The following AGBL1 variants were observed in gnomAD, a reference collection of about 807,000 sequenced individuals.
AGBL1 encodes AGBL carboxypeptidase 1, also known as cytosolic carboxypeptidase 4.
Under a neutral mutation model 118.9 loss-of-function variants are expected in AGBL1, and 130 were observed. The ratio of observed to expected loss-of-function variants is 1.09; its 90% confidence interval spans 0.95 to 1.26. AGBL1 has a LOEUF of 1.26. AGBL1 is among the 50% of genes most tolerant of loss of function. The pLI, the probability that AGBL1 is intolerant of heterozygous loss-of-function variation, is 0.00. For missense variants in AGBL1, 1,584 were observed against 1,298.1 expected, an observed-to-expected ratio of 1.22 and a Z score of -3.38; for synonymous variants, 555 against 478.9, an observed-to-expected ratio of 1.16 and a Z score of -2.08.
intron 3 of AGBL1, among the ~76,000 whole-genome samples, chr15:86,145,691 A>G (rs2077024383): frequency 6.6e-6 from 1 of 152,154 alleles, no homozygotes; most frequent in Non-Finnish European, 1.5e-5. Flanking sequence ...GAAAAAATCA[A>G]TACAATTCGT....
chr15:86,213,850 C>G (rs950144025), intron 5 of AGBL1, among the ~76,000 whole-genome samples: 1 of 152,202 alleles, frequency 6.6e-6, no homozygotes, highest in East Asian at 1.9e-4. Context: ...ACTATTTCCA[C>G]TATCTACTGT....
chr15:86,722,078 T>G (rs2086730957), intron 22 of AGBL1, among the ~76,000 whole-genome samples: 3 of 152,212 alleles, frequency 2.0e-5, no homozygotes, highest in South Asian at 4.2e-4. Context: ...ATGGCCATAC[T>G]GCCCAAGGTA....
intron 22 of AGBL1, among the ~76,000 whole-genome samples, chr15:86,685,011 G>T (rs558676865): frequency 1.2e-4 from 19 of 152,138 alleles, no homozygotes; most frequent in Non-Finnish European, 2.4e-4. Flanking sequence ...TAACAGAAAG[G>T]AGTTGTAAAC....
intron 21 of AGBL1, among the ~76,000 whole-genome samples, chr15:86,671,006 C>G (rs551780780): frequency 6.6e-6 from 1 of 152,122 alleles, no homozygotes; most frequent in Non-Finnish European, 1.5e-5. Flanking sequence ...CATCAGAATA[C>G]TAGTGTGATA....
At position 86,468,527 on chromosome 15, in the gene AGBL1, G is replaced by A. The variant is rs1429010965; in HGVS notation, c.2556-54283G>A. On this transcript the variant is annotated intron_variant, in intron 18 of 22. Transcript: ENST00000614907. The stretch of plus-strand genomic sequence containing the variant: ...AGAGGAGCTTGGAAACACCTGTTAT[G>A]GACAGACATTGCCGTTCCTCTTCTT... Among the ~76,000 whole-genome samples, 4 of 152,164 alleles carry A rather than the reference G, an allele frequency of 2.6e-5. No individual in the cohort carries two copies. In the South Asian group the frequency reaches 6.2e-4, roughly 24 times the overall value.
chr15:86,715,367 C>T (rs1433552409), intron 22 of AGBL1, among the ~76,000 whole-genome samples: 1 of 152,216 alleles, frequency 6.6e-6, no homozygotes, highest in Non-Finnish European at 1.5e-5. Context: ...TATTGCAGCT[C>T]CTGCCCCTCA....
At chr15:86,897,260 T>C (rs2080142230) in intron 22 of AGBL1, among the ~76,000 whole-genome samples, 1 of 152,182 alleles carries the variant, frequency 6.6e-6, no homozygotes, top group African/African-American at 2.4e-5. Flanking sequence ...CTCTTTGACA[T>C]AGAGACAGTA....
At chr15:86,372,695 T>A (rs1342582983) in intron 17 of AGBL1, among the ~76,000 whole-genome samples, 1 of 152,266 alleles carries the variant, frequency 6.6e-6, no homozygotes, top group African/African-American at 2.4e-5. Context: ...CTGGGACCAA[T>A]ACCTGAGAAA....
intron 24 of AGBL1, among the ~76,000 whole-genome samples, chr15:86,999,437 G>C (rs2081412919): frequency 6.8e-6 from 1 of 146,612 alleles, no homozygotes; most frequent in South Asian, 2.1e-4. Context: ...TGATCTCACT[G>C]TTCAGTTCCC....
chr15:86,810,906 T>C (rs2078779921), intron 22 of AGBL1, among the ~76,000 whole-genome samples: 1 of 152,128 alleles, frequency 6.6e-6, no homozygotes, highest in Non-Finnish European at 1.5e-5. Context: ...GAGGGGAAAT[T>C]GTTCACTAGG....
intron 5 of AGBL1, among the ~76,000 whole-genome samples, chr15:86,171,995 G>A (rs1175621970): frequency 6.6e-6 from 1 of 152,202 alleles, no homozygotes; most frequent in Non-Finnish European, 1.5e-5. Flanking sequence ...AGCTGTGAGT[G>A]TGCAAAGTCA....
At chr15:86,247,434 A>G (rs1441801888) in intron 6 of AGBL1, among the ~76,000 whole-genome samples, 1 of 152,190 alleles carries the variant, frequency 6.6e-6, no homozygotes, top group African/African-American at 2.4e-5. Flanking sequence ...AACACTATAG[A>G]AGTGATGCCG....
intron 19 of AGBL1, among the ~76,000 whole-genome samples, chr15:86,544,085 G>C (rs887310826): frequency 2.6e-4 from 39 of 152,300 alleles, no homozygotes; most frequent in African/African-American, 8.4e-4. Context: ...ACTAGGAGGA[G>C]AGATTATTCT....
rs939141749 is a variant in AGBL1 at position 86,350,047 on chromosome 15, C to G, written c.2375-47319C>G. 1.1e-4 allele frequency among the ~76,000 whole-genome samples: 17 copies of G among 152,208 alleles called. 1 individual carries two copies. The highest frequency in any genetic ancestry group is 1.0e-3 in the Admixed American group (16 of 15,290). The stretch of plus-strand genomic sequence containing the variant: ...GCAAAAAGTGGAAGAAGCATCTTCT[C>G]CTGGTTCATAAAAGTGTCACATACC... On this transcript the variant is annotated intron_variant, in intron 17 of 22. Coordinates refer to ENST00000614907, the MANE Select transcript of AGBL1 (RefSeq NM_001386094.1).
intron 21 of AGBL1, chr15:86,556,391 C>T: frequency 1.0e-6 from 1 of 955,882 alleles, no homozygotes; most frequent in Non-Finnish European, 1.6e-6. Context: ...CCTAACAGTG[C>T]CAGACCTGGT....
chr15:86,566,635 G>A (rs2083919940), intron 21 of AGBL1, among the ~76,000 whole-genome samples: 1 of 151,904 alleles, frequency 6.6e-6, no homozygotes, highest in Non-Finnish European at 1.5e-5. Flanking sequence ...CAGTTCTTTG[G>A]ACTTGCGCAG....
At chr15:86,679,216 T>A (rs2085905269) in intron 22 of AGBL1, among the ~76,000 whole-genome samples, 1 of 152,110 alleles carries the variant, frequency 6.6e-6, no homozygotes, top group African/African-American at 2.4e-5. Context: ...ATATTTTTAT[T>A]TACTGATTCA....
At chr15:86,284,201 A>G (rs1043923203) in intron 16 of AGBL1, among the ~76,000 whole-genome samples, 1 of 151,200 alleles carries the variant, frequency 6.6e-6, no homozygotes, top group African/African-American at 2.4e-5. Flanking sequence ...TAAAAAAAAA[A>G]AAACAAATGG....
chr15:86,594,782 G>A (rs1236002031), intron 21 of AGBL1, among the ~76,000 whole-genome samples: 1 of 152,192 alleles, frequency 6.6e-6, no homozygotes, highest in Admixed American at 6.5e-5. Context: ...GAATACTGCA[G>A]AGTATTTCAT....
Sources: allele counts gnomAD v4.1 joint callset (sites outside exome capture counted in the v4.1 genomes callset), GRCh38; gene constraint gnomAD v4.1.1; transcripts MANE v1.5; gene names NCBI Gene and HGNC (gene_info 2026-07-23, HGNC 2026-07-21).